APBA3: variants seen among roughly 807,000 people sequenced by gnomAD.
APBA3 encodes amyloid-beta A4 precursor protein-binding family A member 3.
In APBA3, 45 loss-of-function variants were observed where a neutral mutation model predicts 55.9. That is an observed-to-expected ratio of 0.80 (90% CI 0.63 to 1.03). APBA3 has a LOEUF of 1.03. Among genes scored for constraint, APBA3 ranks in the 50% least tolerant of loss-of-function variants. The pLI is 0.00. For missense variants in APBA3, 865 were observed against 820.3 expected (o/e 1.05, Z -0.67); for synonymous variants, 370 against 353.3 (o/e 1.05, Z -0.53).
At chr19:3,758,165 A>T (rs551258710) in intron 3 of APBA3, among the ~76,000 whole-genome samples, 1 of 151,716 alleles carries the variant, frequency 6.6e-6, no homozygotes, top group East Asian at 2.0e-4. Context: ...CGAACTCCTG[A>T]CCTAGTGATC....
rs750309502 is a variant in APBA3 at position 3,754,029 on chromosome 19, G to C, written c.839C>G (p.Ala280Gly). 7 of 1,609,648 alleles carry C rather than the reference G, an allele frequency of 4.3e-6. No homozygotes were observed. The South Asian group carries it at 7.7e-5, about 18-fold the overall frequency. The change falls in exon 5 of 11, where the codon GCG becomes GGG. Residue 280 changes from alanine (A) to glycine (G), a missense_variant. By Grantham distance (60) the Ala-to-Gly change is moderately conservative (BLOSUM62 0). Transcript: ENST00000316757. ...VSTKRIKVLT[A>G]DSQEAMMDHA... The stretch of plus-strand genomic sequence containing the variant: ...GTCCCTGCCCCGTACCTGGGAGTCC[G>C]CTGTCAAGACCTTGATCCTCTTGGT...
rs771131480 is a variant in APBA3 at position 3,753,755 on chromosome 19, G to T, written c.1011+10C>A. ...CCTCAGGAGGGTGGCCCCGCGCCCT[G>T]GCTGCTCACGTCCTCCGCGTAGAAT... On this transcript the variant is annotated intron_variant, in intron 6 of 10. Transcript: ENST00000316757. 6 of 1,503,520 alleles carry T rather than the reference G, an allele frequency of 4.0e-6. No homozygotes were observed. The South Asian group carries it at 6.4e-5, about 16-fold the overall frequency. 93.1% of individuals were successfully genotyped at this position (1,503,520 alleles called of 1,614,324 possible). A position where few individuals can be genotyped will look rare whatever the true frequency, so the allele number is the denominator to read the frequency against.
At chr19:3,754,545 A>G in intron 3 of APBA3, 1 of 606,062 alleles carries the variant, frequency 1.7e-6, no homozygotes, top group East Asian at 3.3e-5. Flanking sequence ...CCATCCCTCA[A>G]GGACTCGCAG....
Position 3,750,984 on chromosome 19 carries a change from C to A in APBA3, c.*42G>T. 6.5e-7 allele frequency: 1 copy of A among 1,545,390 alleles called. No individual in the cohort carries two copies. Among genetic ancestry groups the A allele is most frequent in the Non-Finnish European group, 8.8e-7 (1 of 1,140,862 alleles). ...GCAGGCCCAGGATGGGGCTCCGGGG[C>A]CATGGAGGCGAAGGCACAGTGGCAG... On this transcript the variant is annotated 3_prime_UTR_variant, in exon 11 of 11. Coordinates refer to ENST00000316757, the MANE Select transcript of APBA3 (RefSeq NM_004886.4).
Position 3,759,731 on chromosome 19 carries a change from C to T in APBA3, c.534G>A (p.Thr178=), listed in dbSNP as rs948386996. The change falls in exon 2 of 11, where the codon ACG becomes ACA. Residue 178 remains threonine, a synonymous_variant. Transcript: ENST00000316757. ...GCTCTTCAGGTGTGACTAGAGGCAC[C>T]GTCTCCAGCCAGGGTTCCGGGGAAC... ...SSSSPEPWLE[T]VPLVTPEEPP... is the part of the protein sequence containing the mutation. The T allele has an allele frequency of 1.7e-5, 28 of 1,612,492 alleles. No homozygotes were observed. The highest frequency in any genetic ancestry group is 3.3e-5 in the Admixed American group (2 of 59,886).
In APBA3 at chr19:3,759,555, ACT is replaced by A. The variant is rs2037118059; in HGVS notation, c.616+4_616+5del. On this transcript the variant is annotated splice_donor_5th_base_variant and intron_variant, in intron 3 of 10. Coordinates refer to ENST00000316757, the MANE Select transcript of APBA3 (RefSeq NM_004886.4). Reference sequence around the variant, plus strand: ...TGCCTGAGGCTAGGGTGGGCGGGACACTCACCCTCCTGGGGGGCAGGGTAGGA... The same window carrying A: ...TGCCTGAGGCTAGGGTGGGCGGGACACACCCTCCTGGGGGGCAGGGTAGGA... 1 of 1,595,052 alleles carries A rather than the reference ACT, an allele frequency of 6.3e-7. No homozygotes were observed. Among genetic ancestry groups the A allele is most frequent in the Non-Finnish European group, 8.5e-7 (1 of 1,172,126 alleles).
At position 3,753,788 on chromosome 19, in the gene APBA3, A is replaced by G. The variant is rs917876424; in HGVS notation, c.988T>C (p.Cys330Arg). 2 of 1,565,402 alleles carry G rather than the reference A, an allele frequency of 1.3e-6. No homozygotes were observed. Among genetic ancestry groups the G allele is most frequent in the African/African-American group, 1.4e-5 (1 of 74,050 alleles). The change falls in exon 6 of 11, where the codon TGC (cysteine) becomes CGC (arginine). Residue 330 changes from cysteine (C) to arginine (R), a missense_variant. Physicochemically the swap from Cys to Arg is radical, Grantham distance 180. Transcript: ENST00000316757. ...DHGRRLYKML[C>R]HVFYAEDAQL... ...ACGTCCTCCGCGTAGAATACGTGGC[A>G]GAGCATCTTGTAGAGGCGGCGGCCG...
chr19:3,750,817 G>A lies in APBA3; in HGVS notation c.*209C>T, dbSNP rs2036985971. ...TAAACAGAGTATTTTCACAGCACCG[G>A]CTTCTAGTGGCTTCCAGGAAGGACA... On this transcript the variant is annotated 3_prime_UTR_variant, in exon 11 of 11. Coordinates refer to ENST00000316757, the MANE Select transcript of APBA3 (RefSeq NM_004886.4). 1.0e-6 allele frequency: 1 copy of A among 969,720 alleles called. No individual in the cohort carries two copies. The allele number at this position is 969,720 out of a possible 1,614,324, so 60.1% of individuals were successfully genotyped here.
In APBA3 at chr19:3,751,543, G is replaced by T; in HGVS notation, c.1406C>A (p.Ser469Ter). The change falls in exon 9 of 11, where the codon TCG becomes TAG. Residue 469 changes from serine (S) to a stop codon, truncating the protein, a stop_gained. Transcript: ENST00000316757. LOFTEE classifies it high-confidence loss of function. ...GATGCTGAGTGTCACCGACGTCTGC[G>T]ACTTCGTCTCCTGTGGGGCGGGGGC... The part of the protein sequence containing the change: ...ACQAAVRETK[S>*]QTSVTLSIVH... The T allele has an allele frequency of 6.3e-7, 1 of 1,590,038 alleles. No individual in the cohort carries two copies. The highest frequency in any genetic ancestry group is 2.3e-5 in the East Asian group (1 of 43,856).
Position 3,754,216 on chromosome 19 carries a change from C to T in APBA3, c.741G>A (p.Arg247=). ...PPTSTRMAQA[R]EAMDRVKAPD... Reference sequence around the variant, plus strand: ...TCACCTTGACGCGGTCCATGGCCTCCCGGGCCTGGGCCATGCGCGTGCTGG... The same window carrying T: ...TCACCTTGACGCGGTCCATGGCCTCTCGGGCCTGGGCCATGCGCGTGCTGG... The change falls in exon 4 of 11, where the codon CGG becomes CGA. Residue 247 remains arginine (R), a synonymous_variant. Transcript: ENST00000316757. The T allele has an allele frequency of 6.5e-7, 1 of 1,542,650 alleles. No homozygotes were observed. Among genetic ancestry groups the T allele is most frequent in the Non-Finnish European group, 8.7e-7 (1 of 1,143,852 alleles).
rs11556574 is a variant in APBA3 at position 3,760,029 on chromosome 19, G to A, written c.236C>T (p.Ala79Val). ...GDLVGPSPGG[A>V]PCPLHIATGH... ...TGTGGCAATGTGTAGGGGACAGGGG[G>A]CTCCACCTGGGGATGGGCCCACCAG... Residue 79 changes from alanine to valine, a missense_variant, in exon 2 of 11, where the codon GCC becomes GTC. Ala to Val is a moderately conservative substitution (Grantham distance 64). Transcript: ENST00000316757. The A allele has an allele frequency of 9.6e-3, 15,537 of 1,613,186 alleles. 94 individuals carry two copies. Among genetic ancestry groups the A allele is most frequent in the Non-Finnish European group, 0.012 (14,076 of 1,179,976 alleles).
chr19:3,760,653 G>A (rs896422053), intron 1 of APBA3, among the ~76,000 whole-genome samples: 9 of 151,822 alleles, frequency 5.9e-5, no homozygotes, highest in Non-Finnish European at 1.3e-4. Flanking sequence ...AGAGGCTGAG[G>A]CAGGAGAATC....
chr19:3,753,124 T>G, intron 6 of APBA3, 134 bp from the exon 7 acceptor site: 1 of 1,000,358 alleles, frequency 1.0e-6, no homozygotes, highest in Non-Finnish European at 1.4e-6. Flanking sequence ...CCTTCTGCCC[T>G]GGGGCTTTGG....
rs2037148398 is a variant in APBA3, at chr19:3,761,627, A to G, written c.-129T>C. ...ACGTAGCCCGGGCCGCGTCCCCAGA[A>G]GGCGCAGCTCGGGGATTCCCGGTCC... On this transcript the variant is annotated 5_prime_UTR_variant, in exon 1 of 11. Coordinates refer to ENST00000316757, the MANE Select transcript of APBA3 (RefSeq NM_004886.4). 6.6e-6 allele frequency: 1 copy of G among 152,360 alleles called. No individual in the cohort carries two copies. The highest frequency in any genetic ancestry group is 1.5e-5 in the Non-Finnish European group (1 of 68,166). 9.4% of individuals were successfully genotyped at this position (152,360 alleles called of 1,614,324 possible). A position where few individuals can be genotyped will look rare whatever the true frequency, so the allele number is the denominator to read the frequency against.
At chr19:3,760,460 A>T (rs1396350973) in intron 1 of APBA3, among the ~76,000 whole-genome samples, 159 bp from the exon 2 acceptor site, 1 of 152,160 alleles carries the variant, frequency 6.6e-6, no homozygotes, top group Admixed American at 6.5e-5. Context: ...AAAATACAAA[A>T]AATTAAGGCC....
Position 3,751,478 on chromosome 19 carries a change from G to A in APBA3, c.1471C>T (p.Pro491Ser), listed in dbSNP as rs756584046. The A allele has an allele frequency of 7.4e-5, 116 of 1,569,214 alleles. No individual in the cohort carries two copies. The East Asian group carries it at 2.7e-3, about 36-fold the overall frequency. The change falls in exon 9 of 11, where the codon CCC (proline) becomes TCC (serine). Residue 491 changes from proline (P) to serine (S), a missense_variant. By Grantham distance (74) the Pro-to-Ser change is moderately conservative. Transcript: ENST00000316757. ...AAGCCCAGCTGCTCGCGGGCGTGGG[G>A]CCGGTGGATGATGGCGGTGGTGACG... Reference protein sequence around the residue: ...PPVTTAIIHRPHAREQLGFCV... With the variant: ...PPVTTAIIHRSHAREQLGFCV...
rs780131562 is a variant in APBA3 at position 3,759,954 on chromosome 19, G to A, written c.311C>T (p.Ser104Phe). Residue 104 changes from serine to phenylalanine, a missense_variant, in exon 2 of 11, where the codon TCT becomes TTT. Coordinates refer to ENST00000316757, the MANE Select transcript of APBA3 (RefSeq NM_004886.4). The part of the protein sequence containing the change: ...QEIADAHGLL[S>F]AEAGRDDLLG... Reference sequence around the variant, plus strand: ...CAGGTCATCCCGGCCAGCTTCGGCAGACAGGAGCCCGTGGGCATCAGCAAT... The same window carrying A: ...CAGGTCATCCCGGCCAGCTTCGGCAAACAGGAGCCCGTGGGCATCAGCAAT... The A allele has an allele frequency of 6.9e-5, 111 of 1,610,114 alleles. No homozygotes were observed. The highest frequency in any genetic ancestry group is 9.2e-5 in the Non-Finnish European group (108 of 1,179,136).
In APBA3 at chr19:3,751,196, T is replaced by C. The variant is rs971082619; in HGVS notation, c.1649A>G (p.Tyr550Cys). 24 of 1,552,032 alleles carry C rather than the reference T, an allele frequency of 1.5e-5. No homozygotes were observed. The Admixed American group carries it at 1.8e-4, about 11-fold the overall frequency. Reference sequence around the variant, plus strand: ...CACCCACCACCCGCACACCTCGCCATAGGCCTCGGTGAGCAGCTCGATGAT... The same window carrying C: ...CACCCACCACCCGCACACCTCGCCACAGGCCTCGGTGAGCAGCTCGATGAT... Reference protein sequence around the residue: ...ARIIELLTEAYGEVHIKTMPA... With the variant: ...ARIIELLTEACGEVHIKTMPA... Residue 550 changes from tyrosine (Y) to cysteine (C), a missense_variant, in exon 10 of 11, where the codon TAT (tyrosine) becomes TGT (cysteine). Physicochemically the swap from Tyr to Cys is radical, Grantham distance 194. Coordinates refer to ENST00000316757, the MANE Select transcript of APBA3 (RefSeq NM_004886.4).
chr19:3,751,406 AC>A, intron 9 of APBA3, 27 bp downstream of exon 9: 1 of 1,513,482 alleles, frequency 6.6e-7, no homozygotes, highest in Admixed American at 2.1e-5. Flanking sequence ...CTACCCCCCC[AC>A]CCCGGGGCCA....
Sources: allele counts gnomAD v4.1 joint callset (sites outside exome capture counted in the v4.1 genomes callset), GRCh38; gene constraint gnomAD v4.1.1; transcripts MANE v1.5; gene names NCBI Gene and HGNC (gene_info 2026-07-23, HGNC 2026-07-21).